ETV3: variants seen among roughly 807,000 people sequenced by gnomAD.
ETV3 encodes ETS variant transcription factor 3.
Under a neutral mutation model 33.0 loss-of-function variants are expected in ETV3, and 8 were observed. The observed-to-expected ratio is 0.24, with a 90% CI of 0.14 to 0.44. ETV3 has a LOEUF of 0.44. Ranked by LOEUF, ETV3 falls within the 20% of genes least tolerant of loss-of-function variation. ETV3 has a pLI of 1.00. For missense variants in ETV3, 473 were observed against 652.3 expected, an observed-to-expected ratio of 0.73 and a Z score of 2.99; for synonymous variants, 222 against 238.9, an observed-to-expected ratio of 0.93 and a Z score of 0.65.
rs1674740974 is a variant in ETV3 at position 157,123,119 on chromosome 1, G to C, written c.*1722C>G. 6.6e-6 allele frequency: 1 copy of C among 152,206 alleles called. No homozygotes were observed. The highest frequency in any genetic ancestry group is 2.4e-5 in the African/African-American group (1 of 41,436). 9.4% of individuals were successfully genotyped at this position (152,206 alleles called of 1,614,324 possible). ...TATAAAGTTTGCTTAGGCTAAGGTG[G>C]AGTCAGAAATGTCTCTAATTGTAGA... On this transcript the variant is annotated 3_prime_UTR_variant, in exon 5 of 5. Coordinates refer to ENST00000368192, the MANE Select transcript of ETV3 (RefSeq NM_001145312.3).
intron 4 of ETV3, among the ~76,000 whole-genome samples, chr1:157,132,990 A>G (rs1264947585): frequency 1.3e-5 from 2 of 152,242 alleles, no homozygotes; most frequent in African/African-American, 4.8e-5. Flanking sequence ...TTGCCTTAGC[A>G]TACAAGGCCA....
Position 157,125,763 on chromosome 1 carries a change from A to G in ETV3, c.617T>C (p.Val206Ala). The G allele has an allele frequency of 6.4e-7, 1 of 1,551,652 alleles. No homozygotes were observed. Among genetic ancestry groups the G allele is most frequent in the Non-Finnish European group, 8.7e-7 (1 of 1,146,982 alleles). The part of the protein sequence containing the change: ...DGSAADWRRG[V>A]DPVSSRNAIG... ...GGCATTCCTGGAGGACACGGGATCC[A>G]CACCCCGGCGCCAGTCAGCAGCTGA... Residue 206 changes from valine to alanine, a missense_variant, in exon 5 of 5, where the codon GTG (valine) becomes GCG (alanine). Physicochemically the swap from Val to Ala is moderately conservative, Grantham distance 64. Transcript: ENST00000368192. This position sits in a 1 kb window ranked among gnomAD's most constrained non-coding sequence, Gnocchi z 4.0.
Position 157,135,555 on chromosome 1 carries a change from T to C in ETV3, c.200A>G (p.Lys67Arg). 3.1e-6 allele frequency: 5 copies of C among 1,614,042 alleles called. No homozygotes were observed. The highest frequency in any genetic ancestry group is 4.2e-6 in the Non-Finnish European group (5 of 1,179,946). ...QQGEYGEFVI[K>R]DPDEVARLWG... ...GAGGCGGGCCACCTCATCTGGATCC[T>C]TGATGACAAATTCCCCGTACTCTCC... is the stretch of plus-strand genomic sequence containing the variant. The change falls in exon 3 of 5, where the codon AAG (lysine) becomes AGG (arginine). Residue 67 changes from lysine to arginine, a missense_variant. Around this residue, in one of 3 missense-constraint regions of ETV3, gnomAD observed 30 missense variants for 94.9 expected, o/e 0.32. Coordinates refer to ENST00000368192, the MANE Select transcript of ETV3 (RefSeq NM_001145312.3).
chr1:157,124,810 A>G lies in ETV3; in HGVS notation c.*31T>C. The G allele has an allele frequency of 8.5e-7, 1 of 1,174,336 alleles. No homozygotes were observed. Among genetic ancestry groups the G allele is most frequent in the South Asian group, 1.6e-5 (1 of 63,132 alleles). 72.7% of individuals were successfully genotyped at this position (1,174,336 alleles called of 1,614,324 possible). ...TAAATACATGTATGTATTTGATTAT[A>G]GTATAAACAGCTCCTAATCCACTTC... On this transcript the variant is annotated 3_prime_UTR_variant, in exon 5 of 5. Transcript: ENST00000368192.
intron 4 of ETV3, among the ~76,000 whole-genome samples, chr1:157,127,107 C>A (rs1674858389): frequency 6.6e-6 from 1 of 152,262 alleles, no homozygotes; most frequent in South Asian, 2.1e-4. Context: ...CCTGGATGCA[C>A]CGCTTCGCCG....
At chr1:157,126,329 A>G (rs1674834788) in intron 4 of ETV3, among the ~76,000 whole-genome samples, 1 of 152,212 alleles carries the variant, frequency 6.6e-6, no homozygotes, top group African/African-American at 2.4e-5. Flanking sequence ...CCTGTACACA[A>G]TAAATATTAA....
At position 157,124,689 on chromosome 1, in the gene ETV3, C is replaced by A; in HGVS notation, c.*152G>T. The A allele has an allele frequency of 1.3e-6, 1 of 767,156 alleles. No individual in the cohort carries two copies. Among genetic ancestry groups the A allele is most frequent in the Non-Finnish European group, 2.0e-6 (1 of 500,066 alleles). The allele number at this position is 767,156 out of a possible 1,614,324, so 47.5% of individuals were successfully genotyped here. On this transcript the variant is annotated 3_prime_UTR_variant, in exon 5 of 5. Coordinates refer to ENST00000368192, the MANE Select transcript of ETV3 (RefSeq NM_001145312.3). ...CACCTAATTTACAACAGAAGATAAC[C>A]CCATCCCATCCCCAAAACATAAAAA...
rs11348539 is a variant in ETV3 at position 157,124,238 on chromosome 1, C to CAAAAA, written c.*598_*602dup. 1.5e-5 allele frequency: 1 copy of CAAAAA among 67,686 alleles called. No individual in the cohort carries two copies. Among genetic ancestry groups the CAAAAA allele is most frequent in the Non-Finnish European group, 2.9e-5 (1 of 34,582 alleles). The allele number at this position is 67,686 out of a possible 1,614,324, so 4.2% of individuals were successfully genotyped here. ...GAAAAAAATGCCAAACAACACCAAC[C>CAAAAA]AAAAAAAAAAAAAAAAAAAAAAGAA... On this transcript the variant is annotated 3_prime_UTR_variant, in exon 5 of 5. Coordinates refer to ENST00000368192, the MANE Select transcript of ETV3 (RefSeq NM_001145312.3).
In ETV3 at chr1:157,121,418, C is replaced by CATTTT. The variant is rs1244164915; in HGVS notation, c.*3418_*3422dup. Reference sequence around the variant, plus strand: ...TGCACAATGGAGTTAAGATTACTTACATTTTATGTACATATACACACTTTA... The same window carrying CATTTT: ...TGCACAATGGAGTTAAGATTACTTACATTTTATTTTATGTACATATACACACTTTA... On this transcript the variant is annotated 3_prime_UTR_variant, in exon 5 of 5. Transcript: ENST00000368192. 4 of 152,210 alleles carry CATTTT rather than the reference C, an allele frequency of 2.6e-5. No individual in the cohort carries two copies. In the South Asian group the frequency reaches 8.3e-4, roughly 32 times the overall value. The allele number at this position is 152,210 out of a possible 1,614,324, so 9.4% of individuals were successfully genotyped here. A position where few individuals can be genotyped will look rare whatever the true frequency, so the allele number is the denominator to read the frequency against.
At chr1:157,135,256 A>G in intron 3 of ETV3, 3 of 584,730 alleles carry the variant, frequency 5.1e-6, no homozygotes, top group East Asian at 3.1e-5. Context: ...CCACATTGGA[A>G]TCCCCTCCTA....
chr1:157,134,092 C>T lies in ETV3; in HGVS notation c.400+20G>A. ...TTTCAATTCAAAATTAATTCCCTAC[C>T]AAAAGAGTTTGTATCTTACCACTTG... On this transcript the variant is annotated intron_variant, in intron 4 of 4. Coordinates refer to ENST00000368192, the MANE Select transcript of ETV3 (RefSeq NM_001145312.3). 1 of 1,602,148 alleles carries T rather than the reference C, an allele frequency of 6.2e-7. No homozygotes were observed.
rs541693919 is a variant in ETV3 at position 157,131,454 on chromosome 1, G to C, written c.400+2658C>G. Among the ~76,000 whole-genome samples the C allele has an allele frequency of 3.3e-5, 5 of 151,966 alleles. No homozygotes were observed. In the South Asian group the frequency reaches 6.2e-4, roughly 19 times the overall value. On this transcript the variant is annotated intron_variant, in intron 4 of 4. Transcript: ENST00000368192. Reference sequence around the variant, plus strand: ...TCACATTTCACATTGTATTAAACCCGGCATATCTTATCTCTCCTGCTAAAC... The same window carrying C: ...TCACATTTCACATTGTATTAAACCCCGCATATCTTATCTCTCCTGCTAAAC...
chr1:157,121,975 A>G lies in ETV3; in HGVS notation c.*2866T>C, dbSNP rs1674719068. 1 of 152,244 alleles carries G rather than the reference A, an allele frequency of 6.6e-6. No individual in the cohort carries two copies. Among genetic ancestry groups the G allele is most frequent in the Admixed American group, 6.5e-5 (1 of 15,286 alleles). The allele number at this position is 152,244 out of a possible 1,614,324, so 9.4% of individuals were successfully genotyped here. ...GGCTGGATGCCATTAAGAGATATTT[A>G]CTGTTTTCTTTTTCTATAGCTAAAA... On this transcript the variant is annotated 3_prime_UTR_variant, in exon 5 of 5. Transcript: ENST00000368192.
At chr1:157,131,748 T>A (rs567179950) in intron 4 of ETV3, among the ~76,000 whole-genome samples, 1 of 152,290 alleles carries the variant, frequency 6.6e-6, no homozygotes, top group Non-Finnish European at 1.5e-5. Flanking sequence ...ATAACGTAAT[T>A]CACAAAACTA....
At chr1:157,130,190 A>G (rs534771100) in intron 4 of ETV3, among the ~76,000 whole-genome samples, 2 of 152,310 alleles carry the variant, frequency 1.3e-5, no homozygotes, top group South Asian at 4.1e-4. Flanking sequence ...AGGATATCTC[A>G]GTCTTTACAT....
intron 4 of ETV3, among the ~76,000 whole-genome samples, chr1:157,132,118 T>C (rs1283051067): frequency 6.6e-6 from 1 of 152,214 alleles, no homozygotes; most frequent in Non-Finnish European, 1.5e-5. Context: ...GACTGCCACC[T>C]GTACTTTTAG....
At position 157,136,379 on chromosome 1, in the gene ETV3, G is replaced by A. The variant is rs774550474; in HGVS notation, c.-13-14C>T. On this transcript the variant is annotated splice_polypyrimidine_tract_variant and intron_variant, in intron 1 of 4. Coordinates refer to ENST00000368192, the MANE Select transcript of ETV3 (RefSeq NM_001145312.3). ...TTCACCCGCCTGCTGAGAGACACAA[G>A]CCACACAATTACTTTAAGATGCTAT... The A allele has an allele frequency of 1.3e-6, 2 of 1,598,834 alleles. No homozygotes were observed. Among genetic ancestry groups the A allele is most frequent in the African/African-American group, 2.7e-5 (2 of 73,870 alleles).
chr1:157,138,333 C>G lies in ETV3; in HGVS notation c.-31G>C, dbSNP rs983490995. 2 of 152,274 alleles carry G rather than the reference C, an allele frequency of 1.3e-5. No individual in the cohort carries two copies. Among genetic ancestry groups the G allele is most frequent in the African/African-American group, 4.8e-5 (2 of 41,464 alleles). 9.4% of individuals were successfully genotyped at this position (152,274 alleles called of 1,614,324 possible). The stretch of plus-strand genomic sequence containing the variant: ...GGACTCACCTCTTCCCGGCACGGTC[C>G]GTCTTCGGTCCGGTCTCCTCCGCGG... On this transcript the variant is annotated 5_prime_UTR_variant, in exon 1 of 5. Coordinates refer to ENST00000368192, the MANE Select transcript of ETV3 (RefSeq NM_001145312.3).
In ETV3 at chr1:157,125,103, G is replaced by A; in HGVS notation, c.1277C>T (p.Pro426Leu). 1 of 1,545,414 alleles carries A rather than the reference G, an allele frequency of 6.5e-7. No individual in the cohort carries two copies. Among genetic ancestry groups the A allele is most frequent in the Non-Finnish European group, 8.7e-7 (1 of 1,143,510 alleles). ...EEEKGTIFAR[P>L]AAPPIWPSVP... ...AGAGGGCCAGATGGGTGGTGCAGCAGGACGGGCAAAGATGGTGCCTTTTTC... is the reference window on the plus strand; with the variant it reads ...AGAGGGCCAGATGGGTGGTGCAGCAAGACGGGCAAAGATGGTGCCTTTTTC... The change falls in exon 5 of 5, where the codon CCT becomes CTT. Residue 426 changes from proline (P) to leucine (L), a missense_variant. Around this residue, in one of 3 missense-constraint regions of ETV3, gnomAD observed 410 missense variants for 520.2 expected, o/e 0.79. Transcript: ENST00000368192. The surrounding 1 kb of genome is among the most constrained non-coding windows in gnomAD (Gnocchi z 4.0).
Sources: allele counts gnomAD v4.1 joint callset (sites outside exome capture counted in the v4.1 genomes callset), GRCh38; gene constraint gnomAD v4.1.1; regional missense constraint gnomAD v4.1.1; non-coding constraint Gnocchi (gnomAD v3.1); transcripts MANE v1.5; gene names NCBI Gene and HGNC (gene_info 2026-07-23, HGNC 2026-07-21).